The following ZP4 variants were observed in gnomAD, a reference collection of about 807,000 sequenced individuals.
The protein encoded by ZP4 is zona pellucida sperm-binding protein 4.
A neutral mutation model predicts 62.3 loss-of-function variants in ZP4; 62 were observed. That is an observed-to-expected ratio of 0.99 (90% confidence interval 0.81 to 1.23). The LOEUF (loss-of-function observed/expected upper bound fraction) is 1.23, where lower values mean the gene tolerates loss of function less well. Among genes scored for constraint, ZP4 ranks in the 50% most tolerant of loss-of-function variants. ZP4 has a pLI of 0.00. For missense variants in ZP4, 774 were observed against 656.0 expected (o/e 1.18, Z -1.97); for synonymous variants, 289 against 247.3 (o/e 1.17, Z -1.58).
At chr1:237,884,007 C>CACACACAA (rs1665023287) in intron 10 of ZP4, among the ~76,000 whole-genome samples, 22 of 92,636 alleles carry the variant, frequency 2.4e-4, no homozygotes, top group African/African-American at 3.4e-4. Context: ...CACACACACA[C>CACACACAA]ACACACACAA....
chr1:237,886,738 G>A, intron 6 of ZP4, 33 bp downstream of exon 6: 1 of 1,569,720 alleles, frequency 6.4e-7, no homozygotes, highest in Non-Finnish European at 8.8e-7. Flanking sequence ...CCACCTTATG[G>A]CAGATGGGAA....
intron 6 of ZP4, 150 bp downstream of exon 6, chr1:237,886,621 C>A (rs1665108152): frequency 1.6e-6 from 1 of 617,768 alleles, no homozygotes; most frequent in African/African-American, 1.9e-5. Flanking sequence ...CACAGATGGA[C>A]CTAATCAAGT....
intron 5 of ZP4, 59 bp downstream of exon 5, chr1:237,887,315 T>C: frequency 1.9e-6 from 3 of 1,575,466 alleles, no homozygotes; most frequent in East Asian, 4.5e-5. Context: ...TCTCCCCCAC[T>C]AGTCACTACA....
In ZP4 at chr1:237,883,912, A is replaced by G. The variant is rs545246569; in HGVS notation, c.1390+857T>C. 5.2e-4 allele frequency among the ~76,000 whole-genome samples: 78 copies of G among 151,282 alleles called. 1 individual carries two copies. The highest frequency in any genetic ancestry group is 1.5e-3 in the African/African-American group (61 of 41,032). ...GAGGTCGAGGCTACCATGAACTGTA[A>G]TCATGCCATTGTACTCCAACCTGCA... On this transcript the variant is annotated intron_variant, in intron 10 of 11. Transcript: ENST00000366570.
chr1:237,883,607 A>C (rs1417344953), intron 10 of ZP4, among the ~76,000 whole-genome samples: 1 of 118,826 alleles, frequency 8.4e-6, no homozygotes, highest in African/African-American at 3.6e-5. Context: ...CCAGCTACTC[A>C]GGAGGCTGAG....
In ZP4 at chr1:237,889,567, C is replaced by T. The variant is rs181874310; in HGVS notation, c.400+300G>A. On this transcript the variant is annotated intron_variant, in intron 3 of 11. Coordinates refer to ENST00000366570, the MANE Select transcript of ZP4 (RefSeq NM_021186.5). ...TCCCGACCTGATCCACCTGCCTCAG[C>T]CTCCCAAAGTGCTGTGATTACAGGT... 2.7e-3 allele frequency among the ~76,000 whole-genome samples: 411 copies of T among 152,212 alleles called. 3 individuals carry two copies. The South Asian group carries it at 0.042, about 16-fold the overall frequency.
chr1:237,885,123 G>T, intron 9 of ZP4, 42 bp downstream of exon 9: 2 of 1,597,096 alleles, frequency 1.3e-6, no homozygotes, highest in Non-Finnish European at 8.5e-7. Flanking sequence ...AAGTTGGGGA[G>T]GTTCAGAGCC....
Position 237,885,854 on chromosome 1 carries a change from C to T in ZP4, c.872G>A (p.Ser291Asn), listed in dbSNP as rs1246129001. 3.1e-6 allele frequency: 5 copies of T among 1,614,016 alleles called. No individual in the cohort carries two copies. In the African/African-American group the frequency reaches 6.7e-5, roughly 22 times the overall value. Residue 291 changes from serine to asparagine, a missense_variant, in exon 7 of 12, where the codon AGC (serine) becomes AAC (asparagine). Transcript: ENST00000366570. The stretch of plus-strand genomic sequence containing the variant: ...CTGGACATTGATTGGGAGAGAGTTG[C>T]TACTTACTGAGTAGCTGCAGCTGAC... The part of the protein sequence containing the change: ...LHVSCSYSVS[S>N]NSLPINVQVF...
intron 10 of ZP4, 83 bp from the exon 11 acceptor site, chr1:237,882,929 G>T: frequency 8.5e-7 from 1 of 1,176,668 alleles, no homozygotes. Context: ...GCAAGGCCAA[G>T]TGTCTCTATA....
Position 237,887,443 on chromosome 1 carries a change from G to T in ZP4, c.672C>A (p.Asn224Lys), listed in dbSNP as rs151244337. Reference protein sequence around the residue: ...RLALRNDSACNPVMATQAFVL... With the variant: ...RLALRNDSACKPVMATQAFVL... ...CAAAAGCTTGTGTTGCCATCACAGG[G>T]TTACACGCACTGTCATTCCTAAGGG... Residue 224 changes from asparagine (N) to lysine (K), a missense_variant, in exon 5 of 12, where the codon AAC becomes AAA. Coordinates refer to ENST00000366570, the MANE Select transcript of ZP4 (RefSeq NM_021186.5). 4 of 1,614,038 alleles carry T rather than the reference G, an allele frequency of 2.5e-6. No individual in the cohort carries two copies. Among genetic ancestry groups the T allele is most frequent in the Non-Finnish European group, 3.4e-6 (4 of 1,180,044 alleles).
chr1:237,886,097 T>TA (rs1203440140), intron 6 of ZP4, among the ~76,000 whole-genome samples: 1 of 152,050 alleles, frequency 6.6e-6, no homozygotes, highest in Non-Finnish European at 1.5e-5. Flanking sequence ...CACACAGAAA[T>TA]AAAGATGCAT....
intron 3 of ZP4, among the ~76,000 whole-genome samples, chr1:237,889,369 A>G (rs1476160554): frequency 7.1e-6 from 1 of 140,676 alleles, no homozygotes; most frequent in Admixed American, 7.6e-5. Flanking sequence ...CCCAGGCTGT[A>G]GTGCAAGGGC....
In ZP4 at chr1:237,882,828, T is replaced by C; in HGVS notation, c.1409A>G (p.Asn470Ser). The change falls in exon 11 of 12, where the codon AAC becomes AGC. Residue 470 changes from asparagine to serine, a missense_variant. Coordinates refer to ENST00000366570, the MANE Select transcript of ZP4 (RefSeq NM_021186.5). The stretch of plus-strand genomic sequence containing the variant: ...ACTAGCAGTAGTGTTCTGAGAACTG[T>C]TGTCAAAATTTCTTCTTCCTGTTAG... The part of the protein sequence containing the change: ...PDLSRRRNFD[N>S]SSQNTTASVS... The C allele has an allele frequency of 2.4e-5, 39 of 1,613,724 alleles. No individual in the cohort carries two copies. Among genetic ancestry groups the C allele is most frequent in the Non-Finnish European group, 3.1e-5 (36 of 1,179,890 alleles).
chr1:237,883,030 G>A (rs1664952917), intron 10 of ZP4, among the ~76,000 whole-genome samples, 184 bp from the exon 11 acceptor site: 1 of 152,106 alleles, frequency 6.6e-6, no homozygotes, highest in Non-Finnish European at 1.5e-5. Context: ...CATTACCTTA[G>A]TTTCACCAGG....
At chr1:237,883,338 C>T (rs187601283) in intron 10 of ZP4, among the ~76,000 whole-genome samples, 84 of 151,864 alleles carry the variant, frequency 5.5e-4, no homozygotes, top group African/African-American at 1.9e-3. Flanking sequence ...ACAAAGGACA[C>T]ACCTGCAGGT....
intron 10 of ZP4, among the ~76,000 whole-genome samples, chr1:237,884,089 CACAA>C (rs1163891345): frequency 6.7e-6 from 1 of 149,346 alleles, no homozygotes; most frequent in Non-Finnish European, 1.5e-5. Flanking sequence ...CACAAACACA[CACAA>C]ACAGTGTAGA....
rs34146449 is a variant in ZP4 at position 237,886,856 on chromosome 1, G to T, written c.754C>A (p.Arg252=). 926 of 1,613,600 alleles carry T rather than the reference G, an allele frequency of 5.7e-4. 2 individuals carry two copies. In the African/African-American group the frequency reaches 0.011, roughly 18 times the overall value. Residue 252 remains arginine (R), a synonymous_variant, in exon 6 of 12, where the codon CGA becomes AGA. Transcript: ENST00000366570. The part of the protein sequence containing the change: ...CGTTRQITGD[R]AVYENELVAT... ...ACCAGTTCATTTTCATATACTGCTC[G>T]GTCTCCAGTGATCTACAGGAATAGA... is the stretch of plus-strand genomic sequence containing the variant.
intron 2 of ZP4, 23 bp downstream of exon 2, chr1:237,890,032 C>T (rs1342435260): frequency 6.2e-7 from 1 of 1,614,010 alleles, no homozygotes; most frequent in African/African-American, 1.3e-5. Context: ...ACACAGTCTC[C>T]CTGGCCATTG....
intron 3 of ZP4, 74 bp from the exon 4 acceptor site, chr1:237,888,584 A>C (rs987321397): frequency 6.9e-6 from 10 of 1,458,546 alleles, no homozygotes; most frequent in Non-Finnish European, 9.3e-6. Flanking sequence ...GATACAAGTC[A>C]TTGACTTTGG....
Sources: gnomAD v4.1 joint callset for allele counts (sites outside exome capture counted in the v4.1 genomes callset) on GRCh38, gnomAD v4.1.1 for gene constraint, MANE v1.5 for transcripts, NCBI Gene and HGNC (gene_info 2026-07-23, HGNC 2026-07-21) for gene names.